Variants in PHACTR1 observed in about 807,000 individuals in gnomAD.
The protein encoded by PHACTR1 is phosphatase and actin regulator 1, also known as RPEL repeat containing 1.
In PHACTR1, 16 loss-of-function variants were observed where a neutral mutation model predicts 69.2. The ratio of observed to expected loss-of-function variants is 0.23; its 90% CI spans 0.16 to 0.35. The LOEUF is 0.35. Ranked by LOEUF, PHACTR1 falls within the 10% of genes least tolerant of loss-of-function variation. The pLI, the probability that PHACTR1 is intolerant of heterozygous loss-of-function variation, is 1.00. For missense variants in PHACTR1, 510 were observed against 734.7 expected, an observed-to-expected ratio of 0.69 and a Z score of 3.54; for synonymous variants, 312 against 284.5, an observed-to-expected ratio of 1.10 and a Z score of -0.97.
chr6:12,765,650 C>T (rs1485438461), intron 4 of PHACTR1, among the ~76,000 whole-genome samples: 8 of 152,142 alleles, frequency 5.3e-5, no homozygotes, highest in African/African-American at 1.4e-4. Flanking sequence ...CCTACAAGCC[C>T]GTCAGGCCTC....
At chr6:12,836,879 C>T (rs1486241054) in intron 4 of PHACTR1, among the ~76,000 whole-genome samples, 2 of 152,172 alleles carry the variant, frequency 1.3e-5, no homozygotes, top group Non-Finnish European at 2.9e-5. Flanking sequence ...AAGGACCCCA[C>T]CAGAAGCTGG....
intron 4 of PHACTR1, among the ~76,000 whole-genome samples, chr6:12,768,725 A>G (rs1768990903): frequency 6.6e-6 from 1 of 151,778 alleles, no homozygotes; most frequent in African/African-American, 2.4e-5. Context: ...TATGGTAGTT[A>G]TATTTTTAAT....
chr6:12,783,403 T>C (rs1217197663), intron 4 of PHACTR1, among the ~76,000 whole-genome samples: 1 of 152,234 alleles, frequency 6.6e-6, no homozygotes, highest in Non-Finnish European at 1.5e-5. Context: ...TTAATAACAC[T>C]CATTTATTAA....
At chr6:12,829,923 T>A (rs912886392) in intron 4 of PHACTR1, among the ~76,000 whole-genome samples, 6 of 139,018 alleles carry the variant, frequency 4.3e-5, no homozygotes, top group Non-Finnish European at 7.6e-5. Flanking sequence ...GTGCCACTGC[T>A]CTCCAGTCTG....
chr6:13,091,914 C>G (rs1813343227), intron 5 of PHACTR1, among the ~76,000 whole-genome samples: 1 of 152,198 alleles, frequency 6.6e-6, no homozygotes, highest in Non-Finnish European at 1.5e-5. Context: ...TCTCCTGCCT[C>G]AGCCTCCTGA....
chr6:12,730,818 C>A (rs1386514173), intron 3 of PHACTR1, among the ~76,000 whole-genome samples: 1 of 152,044 alleles, frequency 6.6e-6, no homozygotes, highest in African/African-American at 2.4e-5. Flanking sequence ...GTGTTCTCAT[C>A]ATTTAGCTCC....
intron 4 of PHACTR1, among the ~76,000 whole-genome samples, chr6:12,806,972 G>GTAACTATT (rs1561900674): frequency 1.3e-5 from 2 of 152,180 alleles, no homozygotes; most frequent in East Asian, 3.9e-4. Context: ...CATTTCATGC[G>GTAACTATT]TAACTATTTT....
At chr6:12,817,551 C>G (rs1775724385) in intron 4 of PHACTR1, among the ~76,000 whole-genome samples, 1 of 152,276 alleles carries the variant, frequency 6.6e-6, no homozygotes, top group Admixed American at 6.5e-5. Context: ...GCTCTTGCTA[C>G]AGTTGAGTGA....
intron 4 of PHACTR1, among the ~76,000 whole-genome samples, chr6:12,993,744 A>T (rs1412579255): frequency 6.6e-6 from 1 of 152,200 alleles, no homozygotes; most frequent in East Asian, 1.9e-4. Context: ...AGCCTATGTG[A>T]TCCAAATTTT....
At chr6:13,077,262 G>A (rs979185944) in intron 5 of PHACTR1, among the ~76,000 whole-genome samples, 4 of 151,806 alleles carry the variant, frequency 2.6e-5, no homozygotes, top group Admixed American at 6.6e-5. Context: ...AGCCCAATGA[G>A]GTATTATGTA....
chr6:13,169,290 A>G (rs567766898), intron 6 of PHACTR1, among the ~76,000 whole-genome samples: 4 of 152,206 alleles, frequency 2.6e-5, no homozygotes, highest in African/African-American at 7.2e-5. Context: ...ATTTGTCCCC[A>G]TTGAGTCTCA....
At position 12,838,615 on chromosome 6, in the gene PHACTR1, T is replaced by C. The variant is rs80240849; in HGVS notation, c.250+88825T>C. Among the ~76,000 whole-genome samples, 1,055 of 152,334 alleles carry C rather than the reference T, an allele frequency of 6.9e-3. 17 individuals carry two copies. The highest frequency in any genetic ancestry group is 0.024 in the African/African-American group (1,005 of 41,594). ...TAAAATGGGAGGCCCTCATGTTCTC[T>C]TGTTTGTGCTTTTAATGCCATTTTG... On this transcript the variant is annotated intron_variant, in intron 4 of 14. Transcript: ENST00000332995.
intron 4 of PHACTR1, among the ~76,000 whole-genome samples, chr6:12,885,869 C>T (rs962987842): frequency 2.6e-5 from 4 of 152,102 alleles, no homozygotes; most frequent in African/African-American, 9.7e-5. Context: ...CCGAGGCGGG[C>T]GTATCACCTG....
chr6:12,837,545 C>A (rs558145285), intron 4 of PHACTR1, among the ~76,000 whole-genome samples: 7 of 152,204 alleles, frequency 4.6e-5, no homozygotes, highest in Admixed American at 2.0e-4. Flanking sequence ...CATTCTACTT[C>A]TGAAAAATAA....
chr6:13,211,699 C>G (rs1040493840), intron 8 of PHACTR1, among the ~76,000 whole-genome samples: 4 of 152,192 alleles, frequency 2.6e-5, no homozygotes, highest in African/African-American at 9.7e-5. Context: ...CTGGTCCACA[C>G]TGTACATACA....
At chr6:12,730,769 A>G (rs191803750) in intron 3 of PHACTR1, among the ~76,000 whole-genome samples, 18 of 152,202 alleles carry the variant, frequency 1.2e-4, no homozygotes, top group South Asian at 1.0e-3. Flanking sequence ...CCGGCCTCCA[A>G]TAGGCCCCAG....
intron 6 of PHACTR1, among the ~76,000 whole-genome samples, chr6:13,164,991 AT>A (rs1257916405): frequency 2.0e-5 from 3 of 152,134 alleles, no homozygotes; most frequent in Non-Finnish European, 2.9e-5. Context: ...GAATCACATA[AT>A]TTTACAATCC....
intron 5 of PHACTR1, among the ~76,000 whole-genome samples, chr6:13,108,819 T>A (rs1319782463): frequency 6.6e-6 from 1 of 152,072 alleles, no homozygotes; most frequent in Non-Finnish European, 1.5e-5. Context: ...ATCAGTATGG[T>A]TGGATCTCAT....
Position 13,000,166 on chromosome 6 carries a change from G to A in PHACTR1, c.251-53199G>A, listed in dbSNP as rs115219159. Among the ~76,000 whole-genome samples the A allele has an allele frequency of 2.9e-3, 440 of 152,252 alleles. 2 individuals carry two copies. Among genetic ancestry groups the A allele is most frequent in the African/African-American group, 0.01 (420 of 41,546 alleles). On this transcript the variant is annotated intron_variant, in intron 4 of 14. Coordinates refer to ENST00000332995, the MANE Select transcript of PHACTR1 (RefSeq NM_030948.6). ...GGCTCCAGAAAGATATGAAGAAAGGGCATGTGGGAATCCACGACAAGGCAT... is the reference window on the plus strand; with the variant it reads ...GGCTCCAGAAAGATATGAAGAAAGGACATGTGGGAATCCACGACAAGGCAT...
Sources: allele counts gnomAD v4.1 joint callset (sites outside exome capture counted in the v4.1 genomes callset), GRCh38; gene constraint gnomAD v4.1.1; transcripts MANE v1.5; gene names NCBI Gene and HGNC (gene_info 2026-07-23, HGNC 2026-07-21).